DIP2C: variants seen among roughly 807,000 people sequenced by gnomAD.
DIP2C encodes the protein DIP2 acetate--CoA ligase C (putative).
A neutral mutation model predicts 192.4 loss-of-function variants in DIP2C; 33 were observed. That is an observed-to-expected ratio of 0.17 (90% CI 0.13 to 0.23). DIP2C has a LOEUF of 0.23. Ranked by LOEUF, DIP2C falls within the 10% of genes least tolerant of loss-of-function variation. The probability of loss-of-function intolerance (pLI) is 1.00; values close to 1 mark genes in which losing one functional copy is unlikely to be tolerated. For missense variants in DIP2C, 1,537 were observed against 2,110.1 expected, an observed-to-expected ratio of 0.73 and a Z score of 5.32; for synonymous variants, 979 against 864.1, an observed-to-expected ratio of 1.13 and a Z score of -2.33.
chr10:428,067 A>C (rs1288592140), intron 4 of DIP2C, among the ~76,000 whole-genome samples: 1 of 152,236 alleles, frequency 6.6e-6, no homozygotes, highest in Non-Finnish European at 1.5e-5. Context: ...AATATAATTC[A>C]ACAATAAGAA....
At chr10:635,697 G>A (rs1303306449) in intron 1 of DIP2C, among the ~76,000 whole-genome samples, 4 of 152,230 alleles carry the variant, frequency 2.6e-5, no homozygotes, top group African/African-American at 9.6e-5. Context: ...TGAGCCCCCG[G>A]GGAAGGCGGG....
chr10:587,642 C>A (rs1274362880), intron 1 of DIP2C, among the ~76,000 whole-genome samples: 1 of 150,006 alleles, frequency 6.7e-6, no homozygotes, highest in African/African-American at 2.5e-5. Flanking sequence ...AACCCCACAT[C>A]CACACCAGCC....
At position 586,630 on chromosome 10, in the gene DIP2C, G is replaced by A. The variant is rs549929964; in HGVS notation, c.86-100100C>T. 3.9e-5 allele frequency among the ~76,000 whole-genome samples: 6 copies of A among 152,304 alleles called. No homozygotes were observed. The South Asian group carries it at 6.2e-4, about 16-fold the overall frequency. The stretch of plus-strand genomic sequence containing the variant: ...CAACACATCTCTTCCTGTTCACATA[G>A]TATTGAGTTAACAGATTTTTGTGAG... On this transcript the variant is annotated intron_variant, in intron 1 of 36. Transcript: ENST00000280886.
At chr10:461,693 T>C (rs1589847725) in intron 3 of DIP2C, among the ~76,000 whole-genome samples, 1 of 152,282 alleles carries the variant, frequency 6.6e-6, no homozygotes, top group East Asian at 1.9e-4. Flanking sequence ...CTAATAGACA[T>C]CTACAAAACT....
chr10:339,993 C>A (rs1343189917), intron 29 of DIP2C, among the ~76,000 whole-genome samples: 2 of 152,026 alleles, frequency 1.3e-5, no homozygotes, highest in African/African-American at 2.4e-5. Context: ...CCAGCCTGGC[C>A]AACATGGTGA....
intron 18 of DIP2C, among the ~76,000 whole-genome samples, chr10:368,066 T>C (rs1463905385): frequency 3.7e-3 from 1 of 268 alleles, no homozygotes; most frequent in African/African-American, 0.083. Flanking sequence ...CTCTCACTGC[T>C]GCACAGCCCC....
chr10:476,631 C>G (rs192049454), intron 2 of DIP2C, among the ~76,000 whole-genome samples: 76 of 152,306 alleles, frequency 5.0e-4, no homozygotes, highest in African/African-American at 1.6e-3. Context: ...ACTGCCTTTT[C>G]ATTTGCAATG....
intron 31 of DIP2C, among the ~76,000 whole-genome samples, chr10:325,777 G>T (rs368015571): frequency 1.3e-5 from 2 of 152,054 alleles, no homozygotes; most frequent in Non-Finnish European, 2.9e-5. Context: ...ATAGGACAAG[G>T]TTTAACTGAC....
chr10:595,818 C>G (rs893770984), intron 1 of DIP2C, among the ~76,000 whole-genome samples: 117 of 152,330 alleles, frequency 7.7e-4, no homozygotes, highest in African/African-American at 2.5e-3. Flanking sequence ...AGCTCAAGCC[C>G]ATGTTGTTCA....
intron 1 of DIP2C, among the ~76,000 whole-genome samples, chr10:609,890 G>C (rs1347065434): frequency 1.2e-4 from 19 of 152,176 alleles, no homozygotes; most frequent in Admixed American, 1.2e-3. Flanking sequence ...TTCACTCAAA[G>C]CCCCTTCCCA....
At chr10:348,188 A>G (rs1036078063) in intron 26 of DIP2C, among the ~76,000 whole-genome samples, 1 of 152,242 alleles carries the variant, frequency 6.6e-6, no homozygotes, top group African/African-American at 2.4e-5. Context: ...TTCCTCCTTC[A>G]ACGAGGAAAA....
chr10:596,120 G>A (rs567353263), intron 1 of DIP2C, among the ~76,000 whole-genome samples: 33 of 152,090 alleles, frequency 2.2e-4, no homozygotes, highest in Non-Finnish European at 3.7e-4. Context: ...AAAGATTCAC[G>A]CGAGAAGTGC....
At chr10:490,588 C>T (rs1844362495) in intron 1 of DIP2C, among the ~76,000 whole-genome samples, 1 of 152,230 alleles carries the variant, frequency 6.6e-6, no homozygotes, top group African/African-American at 2.4e-5. Context: ...ACAGGAGCCC[C>T]TGCCAGAGCG....
At chr10:426,481 G>C (rs923946105) in intron 4 of DIP2C, among the ~76,000 whole-genome samples, 1 of 152,198 alleles carries the variant, frequency 6.6e-6, no homozygotes, top group Non-Finnish European at 1.5e-5. Context: ...AGAAGGCTTT[G>C]TGTGTGTGAA....
intron 5 of DIP2C, 27 bp downstream of exon 5, chr10:422,797 C>G (rs758164808): frequency 6.3e-7 from 1 of 1,599,002 alleles, no homozygotes; most frequent in Non-Finnish European, 8.5e-7. Context: ...ACAACAGGCA[C>G]AGAAAGACAC....
chr10:506,073 G>A (rs1237301809), intron 1 of DIP2C, among the ~76,000 whole-genome samples: 2 of 152,202 alleles, frequency 1.3e-5, no homozygotes, highest in Non-Finnish European at 2.9e-5. Flanking sequence ...GCTGGTATGT[G>A]CTGCTAGGTA....
At chr10:496,088 C>T (rs527534055) in intron 1 of DIP2C, among the ~76,000 whole-genome samples, 4 of 140,486 alleles carry the variant, frequency 2.8e-5, no homozygotes, top group South Asian at 2.1e-4. Flanking sequence ...GTACACAGAA[C>T]CCACGGTGCC....
chr10:326,558 G>C (rs1055878176), intron 31 of DIP2C, among the ~76,000 whole-genome samples: 5 of 152,236 alleles, frequency 3.3e-5, no homozygotes, highest in Non-Finnish European at 7.3e-5. Flanking sequence ...ACTTACGCCT[G>C]TTTCCCAGAA....
intron 1 of DIP2C, among the ~76,000 whole-genome samples, chr10:633,200 A>G (rs1854626591): frequency 6.6e-6 from 1 of 152,260 alleles, no homozygotes; most frequent in Non-Finnish European, 1.5e-5. Flanking sequence ...AGCAGCTTCT[A>G]CATTTCTTCA....
Sources: allele counts gnomAD v4.1 joint callset (sites outside exome capture counted in the v4.1 genomes callset), GRCh38; gene constraint gnomAD v4.1.1; transcripts MANE v1.5; gene names NCBI Gene and HGNC (gene_info 2026-07-23, HGNC 2026-07-21).